RASAL2: variants seen among roughly 807,000 people sequenced by gnomAD.
RASAL2 encodes the protein ras GTPase-activating protein nGAP.
RASAL2 carries 58 observed loss-of-function variants against 128.9 expected under a neutral mutation model. The observed-to-expected ratio is 0.45, with a 90% CI of 0.36 to 0.56. RASAL2 has a LOEUF of 0.56. RASAL2 is among the 20% of genes least tolerant of loss of function. The pLI, the probability that RASAL2 is intolerant of heterozygous loss-of-function variation, is 0.00. For missense variants in RASAL2, 1,360 were observed against 1,601.6 expected (o/e 0.85, Z 2.57); for synonymous variants, 561 against 580.8 (o/e 0.97, Z 0.49).
intron 1 of RASAL2, among the ~76,000 whole-genome samples, chr1:178,160,159 T>G (rs1661229344): frequency 6.6e-6 from 1 of 151,948 alleles, no homozygotes; most frequent in African/African-American, 2.4e-5. Context: ...TATTCTGTAG[T>G]TTTACAAACT....
rs532353641 is a variant in RASAL2 at position 178,473,307 on chromosome 1, G to A, written c.*68G>A. 7.6e-5 allele frequency: 119 copies of A among 1,565,272 alleles called. No homozygotes were observed. Among genetic ancestry groups the A allele is most frequent in the Non-Finnish European group, 1.0e-4 (114 of 1,141,008 alleles). On this transcript the variant is annotated 3_prime_UTR_variant, in exon 18 of 18. Transcript: ENST00000367649. ...TCTCCTATCTCCAGACCTTTACCTAGCCCCTCCAGGTTTACAGAATGTTGC... is the reference window on the plus strand; with the variant it reads ...TCTCCTATCTCCAGACCTTTACCTAACCCCTCCAGGTTTACAGAATGTTGC...
At chr1:178,341,515 C>T (rs772295268) in intron 3 of RASAL2, 191 of 1,606,434 alleles carry the variant, frequency 1.2e-4, no homozygotes, top group Middle Eastern at 1.7e-4. Flanking sequence ...CGAGCACAGG[C>T]GAGTACAGTA....
chr1:178,435,052 A>T (rs1676166544), intron 5 of RASAL2, among the ~76,000 whole-genome samples: 1 of 152,028 alleles, frequency 6.6e-6, no homozygotes, highest in South Asian at 2.1e-4. Flanking sequence ...ACTGGTGAAT[A>T]CAACAGTATG....
At position 178,094,508 on chromosome 1, in the gene RASAL2, T is replaced by C. The variant is rs1373431308; in HGVS notation, c.16T>C (p.Ser6Pro). The change falls in exon 1 of 18, where the codon TCG becomes CCG. Residue 6 changes from serine to proline, a missense_variant. By Grantham distance (74) the Ser-to-Pro change is moderately conservative. Around this residue, in one of 3 missense-constraint regions of RASAL2, gnomAD observed 617 missense variants for 714.2 expected, o/e 0.86. Transcript: ENST00000367649. Reference sequence around the variant, plus strand: ...TCGGGGCACCATGGAGCTCTCTCCGTCGTCCGGAGGAGCCGCGGAGGCGCT... The same window carrying C: ...TCGGGGCACCATGGAGCTCTCTCCGCCGTCCGGAGGAGCCGCGGAGGCGCT... MELSP[S>P]SGGAAEALSW... The C allele has an allele frequency of 1.5e-5, 24 of 1,559,350 alleles. No homozygotes were observed. The highest frequency in any genetic ancestry group is 2.0e-5 in the Non-Finnish European group (23 of 1,153,208).
At chr1:178,220,299 A>G (rs1340890768) in intron 1 of RASAL2, among the ~76,000 whole-genome samples, 2 of 152,168 alleles carry the variant, frequency 1.3e-5, no homozygotes, top group Non-Finnish European at 2.9e-5. Flanking sequence ...ATGTCTCAGC[A>G]AATAGGGAGG....
chr1:178,447,991 G>A (rs1677128260), intron 9 of RASAL2, among the ~76,000 whole-genome samples: 1 of 152,104 alleles, frequency 6.6e-6, no homozygotes, highest in Admixed American at 6.6e-5. Context: ...AAATCTCAGG[G>A]GTTTTAGATA....
At chr1:178,119,701 C>T (rs978543590) in intron 1 of RASAL2, among the ~76,000 whole-genome samples, 1 of 152,126 alleles carries the variant, frequency 6.6e-6, no homozygotes, top group Admixed American at 6.6e-5. Context: ...TCATGGATAT[C>T]CTCCTGAAAA....
At chr1:178,260,404 ATATATATATATG>A (rs1665639829) in intron 1 of RASAL2, among the ~76,000 whole-genome samples, 1 of 94,458 alleles carries the variant, frequency 1.1e-5, no homozygotes, top group African/African-American at 3.9e-5. Flanking sequence ...ATATATATAT[ATATATATATATG>A]ATAATAATTT....
intron 1 of RASAL2, among the ~76,000 whole-genome samples, chr1:178,138,651 A>T (rs565347777): frequency 2.0e-5 from 3 of 152,252 alleles, no homozygotes; most frequent in Admixed American, 1.3e-4. Context: ...AGGGCTCTGA[A>T]ATCAGGATAC....
At chr1:178,429,682 G>A (rs766807254) in intron 5 of RASAL2, among the ~76,000 whole-genome samples, 14 of 151,994 alleles carry the variant, frequency 9.2e-5, no homozygotes, top group Non-Finnish European at 1.9e-4. Flanking sequence ...AGGCAACATG[G>A]CCCAGTCTTT....
At chr1:178,372,056 G>A (rs1671748713) in intron 3 of RASAL2, 1 of 585,490 alleles carries the variant, frequency 1.7e-6, no homozygotes, top group Non-Finnish European at 2.1e-6. Flanking sequence ...CCCCCTGGTT[G>A]TATTAGATTG....
At position 178,475,351 on chromosome 1, in the gene RASAL2, A is replaced by G. The variant is rs1648595702; in HGVS notation, c.*2112A>G. ...CGGAGGGCACACTGTGGTCAAAATC[A>G]CTTATTTTATTAGGAAAAAGAGGTA... On this transcript the variant is annotated 3_prime_UTR_variant, in exon 18 of 18. Coordinates refer to ENST00000367649, the MANE Select transcript of RASAL2 (RefSeq NM_170692.4). 6.6e-6 allele frequency: 1 copy of G among 152,186 alleles called. No homozygotes were observed. The highest frequency in any genetic ancestry group is 1.5e-5 in the Non-Finnish European group (1 of 68,026). The allele number at this position is 152,186 out of a possible 1,614,324, so 9.4% of individuals were successfully genotyped here.
At chr1:178,100,510 C>T (rs891318198) in intron 1 of RASAL2, among the ~76,000 whole-genome samples, 76 of 146,852 alleles carry the variant, frequency 5.2e-4, no homozygotes, top group Non-Finnish European at 1.0e-3. Context: ...GGCAACAGAG[C>T]GAGACTCAGT....
At chr1:178,371,987 G>GAC (rs1671743218) in intron 3 of RASAL2, among the ~76,000 whole-genome samples, 1 of 151,972 alleles carries the variant, frequency 6.6e-6, no homozygotes, top group South Asian at 2.1e-4. Flanking sequence ...GAGACAGAAG[G>GAC]ACAAATCTCC....
At chr1:178,417,774 A>G (rs1310049522) in intron 4 of RASAL2, among the ~76,000 whole-genome samples, 1 of 151,604 alleles carries the variant, frequency 6.6e-6, no homozygotes, top group Admixed American at 6.6e-5. Context: ...AAAAAAAAAA[A>G]AAAAAAGTGC....
intron 4 of RASAL2, among the ~76,000 whole-genome samples, chr1:178,402,024 G>A (rs557476526): frequency 6.8e-4 from 104 of 152,278 alleles, no homozygotes; most frequent in South Asian, 6.2e-4. Context: ...GTATGATCAA[G>A]AGCAAATTGT....
At chr1:178,470,707 T>C (rs368429103) in intron 17 of RASAL2, 99 of 1,365,744 alleles carry the variant, frequency 7.2e-5, no homozygotes, top group Non-Finnish European at 9.1e-5. Flanking sequence ...TAAATGGAGA[T>C]GAGATTATTC....
chr1:178,386,189 G>C (rs886094898), intron 3 of RASAL2, among the ~76,000 whole-genome samples: 3 of 152,080 alleles, frequency 2.0e-5, no homozygotes, highest in Non-Finnish European at 4.4e-5. Flanking sequence ...CAATTTCTTT[G>C]CCACACTTTC....
intron 2 of RASAL2, among the ~76,000 whole-genome samples, chr1:178,292,035 CAAA>C (rs34317624): frequency 1.7e-5 from 1 of 59,104 alleles, no homozygotes. Context: ...GACTTTGTCT[CAAA>C]AAAAAAAAAA....
Sources: allele counts gnomAD v4.1 joint callset (sites outside exome capture counted in the v4.1 genomes callset), GRCh38; gene constraint gnomAD v4.1.1; regional missense constraint gnomAD v4.1.1; transcripts MANE v1.5; gene names NCBI Gene and HGNC (gene_info 2026-07-23, HGNC 2026-07-21).